Variants in WWOX observed in about 807,000 individuals in gnomAD.
WWOX encodes the protein WW domain containing oxidoreductase.
Under a neutral mutation model 46.2 loss-of-function variants are expected in WWOX, and 69 were observed. That is an observed-to-expected ratio of 1.49 (90% confidence interval 1.23 to 1.82). WWOX has a LOEUF of 1.82. Among genes scored for constraint, WWOX ranks in the 40% most tolerant of loss-of-function variants. WWOX has a pLI of 0.00. For synonymous variants in WWOX, 359 were observed against 202.6 expected (o/e 1.77, Z -6.56); for missense variants, 919 against 542.6 (o/e 1.69, Z -6.89).
chr16:79,136,218 A>G (rs2150706283), intron 8 of WWOX, among the ~76,000 whole-genome samples: 1 of 151,410 alleles, frequency 6.6e-6, no homozygotes, highest in Non-Finnish European at 1.5e-5. Context: ...CAACTGGCAT[A>G]CTGATGTCAC....
intron 8 of WWOX, among the ~76,000 whole-genome samples, chr16:79,123,631 C>T (rs147373713): frequency 8.5e-5 from 13 of 152,188 alleles, no homozygotes; most frequent in African/African-American, 2.9e-4. Context: ...TAGTTTGACC[C>T]CAAGGCTCCA....
intron 8 of WWOX, among the ~76,000 whole-genome samples, chr16:78,882,770 T>C (rs2044370544): frequency 6.6e-6 from 1 of 151,414 alleles, no homozygotes; most frequent in Non-Finnish European, 1.5e-5. Context: ...ATTACAGGCA[T>C]GAGCCACCGC....
chr16:78,628,698 T>C (rs2046363946), intron 8 of WWOX, among the ~76,000 whole-genome samples: 1 of 152,140 alleles, frequency 6.6e-6, no homozygotes, highest in Non-Finnish European at 1.5e-5. Context: ...GTGAGTGACG[T>C]GCTAGAATGG....
At chr16:78,980,738 T>C (rs777468563) in intron 8 of WWOX, among the ~76,000 whole-genome samples, 3 of 152,184 alleles carry the variant, frequency 2.0e-5, no homozygotes, top group Admixed American at 6.5e-5. Context: ...AAGGAGACTT[T>C]AGCTACTACC....
At chr16:78,537,873 G>C (rs1044011795) in intron 8 of WWOX, among the ~76,000 whole-genome samples, 4 of 152,092 alleles carry the variant, frequency 2.6e-5, no homozygotes, top group South Asian at 2.1e-4. Context: ...CTCTGGCCTC[G>C]GCCTTCTCCG....
chr16:78,491,315 C>T (rs561973203), intron 8 of WWOX, among the ~76,000 whole-genome samples: 50 of 152,296 alleles, frequency 3.3e-4, no homozygotes, highest in East Asian at 1.2e-3. Context: ...CTGGATGAGA[C>T]GCCCCTTGGG....
intron 8 of WWOX, among the ~76,000 whole-genome samples, chr16:78,731,522 T>C (rs960359134): frequency 6.6e-6 from 1 of 152,202 alleles, no homozygotes; most frequent in Non-Finnish European, 1.5e-5. Context: ...AATTCCTTTT[T>C]CCTTTCATTC....
intron 8 of WWOX, among the ~76,000 whole-genome samples, chr16:78,650,645 G>T (rs972626508): frequency 1.3e-5 from 2 of 152,158 alleles, no homozygotes; most frequent in Non-Finnish European, 2.9e-5. Context: ...TATTATAATG[G>T]AGGTGTTCTC....
chr16:78,829,202 G>T (rs78840808), intron 8 of WWOX, among the ~76,000 whole-genome samples: 1 of 152,082 alleles, frequency 6.6e-6, no homozygotes, highest in Non-Finnish European at 1.5e-5. Flanking sequence ...AGGAACTGGC[G>T]AATTGGCTCA....
chr16:78,747,251 G>A (rs965060913), intron 8 of WWOX, among the ~76,000 whole-genome samples: 5 of 148,690 alleles, frequency 3.4e-5, no homozygotes, highest in Non-Finnish European at 7.4e-5. Flanking sequence ...GAGTGCAGTA[G>A]CACGATCTCG....
At chr16:79,210,687 C>A (rs964249793) in intron 8 of WWOX, among the ~76,000 whole-genome samples, 2 of 152,078 alleles carry the variant, frequency 1.3e-5, no homozygotes, top group Non-Finnish European at 2.9e-5. Flanking sequence ...ACCATGTCTC[C>A]CTCTGAACAG....
chr16:78,682,236 C>G (rs570838622), intron 8 of WWOX, among the ~76,000 whole-genome samples: 2 of 152,294 alleles, frequency 1.3e-5, no homozygotes, highest in East Asian at 1.9e-4. Flanking sequence ...CACTATGCCA[C>G]TCTTCTGTCA....
chr16:79,169,153 G>T (rs756855608), intron 8 of WWOX, among the ~76,000 whole-genome samples: 14 of 152,164 alleles, frequency 9.2e-5, no homozygotes, highest in Non-Finnish European at 1.9e-4. Flanking sequence ...TGGTAGAGAG[G>T]AGGAAACCAA....
chr16:78,703,882 C>CA (rs1247014784), intron 8 of WWOX, among the ~76,000 whole-genome samples: 1 of 152,030 alleles, frequency 6.6e-6, no homozygotes, highest in African/African-American at 2.4e-5. Flanking sequence ...CTGATCTTCT[C>CA]AATCTCTCAG....
At chr16:78,479,103 G>T (rs80232728) in intron 8 of WWOX, among the ~76,000 whole-genome samples, 2,235 of 152,014 alleles carry the variant, frequency 0.015, 41 homozygotes, top group African/African-American at 0.044. Context: ...GAATGTAGGA[G>T]TATTTGGAAA....
At chr16:78,621,340 C>A (rs2046176268) in intron 8 of WWOX, among the ~76,000 whole-genome samples, 1 of 152,048 alleles carries the variant, frequency 6.6e-6, no homozygotes, top group Non-Finnish European at 1.5e-5. Flanking sequence ...CACCACCCAC[C>A]CAGTTCCTCC....
intron 8 of WWOX, among the ~76,000 whole-genome samples, chr16:78,698,193 A>G (rs1049691354): frequency 1.3e-5 from 2 of 152,196 alleles, no homozygotes; most frequent in African/African-American, 2.4e-5. Context: ...CACATTCTGA[A>G]CAAGGTCAGA....
At chr16:78,850,986 T>G (rs960936112) in intron 8 of WWOX, among the ~76,000 whole-genome samples, 1 of 152,194 alleles carries the variant, frequency 6.6e-6, no homozygotes, top group African/African-American at 2.4e-5. Flanking sequence ...TCTCTCTGCA[T>G]GTAGTGTTTC....
At chr16:78,366,908 G>A (rs1487235390) in intron 5 of WWOX, among the ~76,000 whole-genome samples, 1 of 151,466 alleles carries the variant, frequency 6.6e-6, no homozygotes, top group Non-Finnish European at 1.5e-5. Flanking sequence ...AAGCCTGGGG[G>A]GTGGATGTAG....
Sources: allele counts gnomAD v4.1 joint callset (sites outside exome capture counted in the v4.1 genomes callset), GRCh38; gene constraint gnomAD v4.1.1; transcripts MANE v1.5; gene names NCBI Gene and HGNC (gene_info 2026-07-23, HGNC 2026-07-21).